The following PCDH7 variants were observed in gnomAD, a reference collection of about 807,000 sequenced individuals.
PCDH7 encodes protocadherin 7.
A neutral mutation model predicts 58.9 loss-of-function variants in PCDH7; 17 were observed. The observed-to-expected ratio is 0.29, with a 90% CI of 0.20 to 0.43. The LOEUF is 0.43. Among genes scored for constraint, PCDH7 ranks in the 20% least tolerant of loss-of-function variants. PCDH7 has a pLI of 1.00. For missense variants in PCDH7, 1,274 were observed against 1,441.0 expected (o/e 0.88, Z 1.88); for synonymous variants, 664 against 616.4 (o/e 1.08, Z -1.14).
chr4:30,927,102 A>G (rs1041729305), intron 2 of PCDH7, among the ~76,000 whole-genome samples: 3 of 152,168 alleles, frequency 2.0e-5, no homozygotes, highest in African/African-American at 7.2e-5. Flanking sequence ...TTTGGAGGTC[A>G]GTTAGTGGTT....
chr4:30,884,947 C>T (rs1216753475), intron 1 of PCDH7: 1 of 152,040 alleles, frequency 6.6e-6, no homozygotes, highest in African/African-American at 2.4e-5. Context: ...TGATGAAACC[C>T]TTAAAGGGTT....
intron 1 of PCDH7, among the ~76,000 whole-genome samples, chr4:30,753,090 T>A (rs7664926): frequency 0.54 from 82,228 of 151,914 alleles, 22,879 homozygotes; most frequent in African/African-American, 0.67. Flanking sequence ...GAGTTCTCAG[T>A]GGCTGGTATG....
intron 3 of PCDH7, among the ~76,000 whole-genome samples, chr4:30,958,917 A>G (rs147048777): frequency 0.015 from 2,310 of 152,250 alleles, 60 homozygotes; most frequent in African/African-American, 0.052. Context: ...AGATAATACC[A>G]TACTTTTTAA....
chr4:30,947,786 A>G (rs1578385904), intron 2 of PCDH7, among the ~76,000 whole-genome samples: 2 of 152,300 alleles, frequency 1.3e-5, no homozygotes, highest in East Asian at 1.9e-4. Flanking sequence ...GGTAGAGAAC[A>G]CTAGAACCTA....
At chr4:30,954,926 G>A (rs1183276088) in intron 3 of PCDH7, among the ~76,000 whole-genome samples, 1 of 152,112 alleles carries the variant, frequency 6.6e-6, no homozygotes, top group Non-Finnish European at 1.5e-5. Flanking sequence ...GATAACATGT[G>A]TTGACTTATT....
intron 1 of PCDH7, among the ~76,000 whole-genome samples, chr4:30,753,591 T>C (rs1718860049): frequency 6.6e-6 from 1 of 152,190 alleles, no homozygotes; most frequent in Non-Finnish European, 1.5e-5. Context: ...GACACAGGGC[T>C]CAAGGTAGAT....
At chr4:30,753,726 G>T (rs954478829) in intron 1 of PCDH7, among the ~76,000 whole-genome samples, 5 of 152,104 alleles carry the variant, frequency 3.3e-5, no homozygotes, top group Non-Finnish European at 7.4e-5. Context: ...TTCTAATTTT[G>T]AATGAAGAAG....
downstream of PCDH7, chr4:31,144,220 C>T (rs148235051): frequency 9.2e-4 from 140 of 152,134 alleles, no homozygotes; most frequent in African/African-American, 2.9e-3. Context: ...AAGGTGACAC[C>T]CTAGTTGACT....
At chr4:31,083,131 CA>C (rs928253036) in intron 3 of PCDH7, among the ~76,000 whole-genome samples, 11 of 151,792 alleles carry the variant, frequency 7.2e-5, no homozygotes, top group African/African-American at 2.7e-4. Flanking sequence ...AAAACAAAAA[CA>C]AAAAAACTAC....
At chr4:31,073,048 G>C (rs192401238) in intron 3 of PCDH7, among the ~76,000 whole-genome samples, 5 of 152,204 alleles carry the variant, frequency 3.3e-5, no homozygotes, top group Admixed American at 2.6e-4. Context: ...GCTGAATGTG[G>C]CCTAGATCCT....
intron 1 of PCDH7, among the ~76,000 whole-genome samples, chr4:30,744,616 T>G (rs527573769): frequency 6.6e-6 from 1 of 152,328 alleles, no homozygotes; most frequent in East Asian, 1.9e-4. Context: ...GAGGAAGGAC[T>G]GACTGATTCC....
At chr4:30,896,875 C>T (rs1354057369) in intron 1 of PCDH7, among the ~76,000 whole-genome samples, 1 of 111,790 alleles carries the variant, frequency 8.9e-6, no homozygotes, top group African/African-American at 3.3e-5. Context: ...TCTTGTGCCC[C>T]TCCTAGTTCT....
At chr4:30,823,622 G>T (rs1169635558) in intron 1 of PCDH7, among the ~76,000 whole-genome samples, 2 of 152,056 alleles carry the variant, frequency 1.3e-5, no homozygotes, top group Non-Finnish European at 2.9e-5. Context: ...ACCATTTGAA[G>T]AAATGCCTTC....
chr4:30,910,295 G>A (rs942045859), intron 1 of PCDH7, among the ~76,000 whole-genome samples: 1 of 152,084 alleles, frequency 6.6e-6, no homozygotes, highest in Admixed American at 6.6e-5. Context: ...AACACCAAAA[G>A]CAATTGCAAC....
intron 1 of PCDH7, among the ~76,000 whole-genome samples, chr4:30,863,626 G>T (rs892713548): frequency 6.6e-6 from 1 of 151,968 alleles, no homozygotes; most frequent in Admixed American, 6.6e-5. Flanking sequence ...CCATAAATAT[G>T]GAAAGAGGAA....
At chr4:30,938,121 C>G (rs556079691) in intron 2 of PCDH7, among the ~76,000 whole-genome samples, 1 of 152,080 alleles carries the variant, frequency 6.6e-6, no homozygotes, top group African/African-American at 2.4e-5. Context: ...TGTAATATAG[C>G]TACATGGAGA....
At chr4:30,874,184 C>T (rs1341464567) in intron 1 of PCDH7, among the ~76,000 whole-genome samples, 1 of 151,918 alleles carries the variant, frequency 6.6e-6, no homozygotes, top group African/African-American at 2.4e-5. Flanking sequence ...ACCCAGCCAT[C>T]CCATTACTGG....
At chr4:30,781,609 T>A (rs1304766527) in intron 1 of PCDH7, among the ~76,000 whole-genome samples, 1 of 151,350 alleles carries the variant, frequency 6.6e-6, no homozygotes, top group African/African-American at 2.4e-5. Flanking sequence ...TGATCTTGGC[T>A]GATTGCAACC....
intron 3 of PCDH7, among the ~76,000 whole-genome samples, chr4:31,021,069 C>T (rs1753981074): frequency 6.6e-6 from 1 of 152,144 alleles, no homozygotes; most frequent in Non-Finnish European, 1.5e-5. Context: ...TGTGGACCAA[C>T]GAATGTTTCA....
Sources: gnomAD v4.1 joint callset for allele counts (sites outside exome capture counted in the v4.1 genomes callset) on GRCh38, gnomAD v4.1.1 for gene constraint, MANE v1.5 for transcripts, NCBI Gene and HGNC (gene_info 2026-07-23, HGNC 2026-07-21) for gene names.